Variants in TMPRSS11F observed in about 807,000 individuals in gnomAD.
TMPRSS11F encodes transmembrane serine protease 11F.
Under a neutral mutation model 60.2 loss-of-function variants are expected in TMPRSS11F, and 47 were observed. The ratio of observed to expected loss-of-function variants is 0.78; its 90% CI spans 0.62 to 1.00. The LOEUF (loss-of-function observed/expected upper bound fraction) is 1.00, where lower values mean the gene tolerates loss of function less well. Among genes scored for constraint, TMPRSS11F ranks in the 50% least tolerant of loss-of-function variants. The probability of loss-of-function intolerance (pLI) is 0.00; values close to 1 mark genes in which losing one functional copy is unlikely to be tolerated. For synonymous variants in TMPRSS11F, 166 were observed against 167.3 expected, an observed-to-expected ratio of 0.99 and a Z score of 0.06; for missense variants, 519 against 522.9, an observed-to-expected ratio of 0.99 and a Z score of 0.07.
At chr4:68,113,681 T>C (rs1222596960) in intron 1 of TMPRSS11F, among the ~76,000 whole-genome samples, 3 of 152,164 alleles carry the variant, frequency 2.0e-5, no homozygotes, top group African/African-American at 7.2e-5. Flanking sequence ...CAAATCCACA[T>C]TATAGTTTAA....
rs570080691 is a variant in TMPRSS11F at position 68,128,527 on chromosome 4, T to C, written c.11+1283A>G. 2.2e-4 allele frequency among the ~76,000 whole-genome samples: 32 copies of C among 142,622 alleles called. No individual in the cohort carries two copies. The South Asian group carries it at 7.2e-3, about 32-fold the overall frequency. 93.6% of individuals were successfully genotyped at this position (142,622 alleles called of 152,430 possible). On this transcript the variant is annotated intron_variant, in intron 1 of 9. Transcript: ENST00000356291. ...TCATGTTGTAATGATATTTTCAGGG[T>C]GGAAAAGTGAGTGTTTGGAGATGAT...
intron 7 of TMPRSS11F, among the ~76,000 whole-genome samples, chr4:68,065,869 G>A (rs1322001567): frequency 6.6e-6 from 1 of 152,072 alleles, no homozygotes; most frequent in Non-Finnish European, 1.5e-5. Context: ...TGTAATCCCA[G>A]CACTTTGGGA....
intron 9 of TMPRSS11F, among the ~76,000 whole-genome samples, chr4:68,056,943 T>G (rs1033052724): frequency 6.6e-6 from 1 of 152,196 alleles, no homozygotes; most frequent in African/African-American, 2.4e-5. Flanking sequence ...GAGGAAAAGA[T>G]AGTCTATTCA....
chr4:68,062,707 T>C (rs1381909748), intron 8 of TMPRSS11F: 2 of 746,604 alleles, frequency 2.7e-6, no homozygotes, highest in Non-Finnish European at 2.5e-6. Context: ...ACAGCATGAG[T>C]GTCACATGAG....
intron 1 of TMPRSS11F, among the ~76,000 whole-genome samples, chr4:68,129,089 G>C (rs1445091212): frequency 6.6e-6 from 1 of 152,076 alleles, no homozygotes; most frequent in Non-Finnish European, 1.5e-5. Flanking sequence ...TAAGAAACAA[G>C]GCTAGACTTA....
chr4:68,088,017 A>G (rs992190738), intron 3 of TMPRSS11F, among the ~76,000 whole-genome samples: 65 of 151,552 alleles, frequency 4.3e-4, no homozygotes, highest in African/African-American at 1.4e-3. Context: ...ATGATTTCCA[A>G]TTTCATCCAT....
chr4:68,077,427 T>C (rs1272559586), intron 3 of TMPRSS11F: 1 of 152,162 alleles, frequency 6.6e-6, no homozygotes, highest in Non-Finnish European at 1.5e-5. Flanking sequence ...TTAAGGCAAG[T>C]TGATGCCCTG....
chr4:68,103,158 C>T (rs6812116), intron 1 of TMPRSS11F, among the ~76,000 whole-genome samples: 46,563 of 151,838 alleles, frequency 0.31, 7,268 homozygotes, highest in East Asian at 0.49. Flanking sequence ...TAGTTGACCA[C>T]GGCCAGGCAC....
intron 8 of TMPRSS11F, 72 bp from the exon 9 acceptor site, chr4:68,059,540 A>G: frequency 6.9e-7 from 1 of 1,439,562 alleles, no homozygotes; most frequent in Non-Finnish European, 9.3e-7. Context: ...GACATAGAAG[A>G]CACATAAATT....
At chr4:68,112,456 C>T (rs1724425789) in intron 1 of TMPRSS11F, among the ~76,000 whole-genome samples, 1 of 152,074 alleles carries the variant, frequency 6.6e-6, no homozygotes, top group Non-Finnish European at 1.5e-5. Context: ...TTGTTGTGCT[C>T]TCTCTGCTAA....
chr4:68,063,206 T>C (rs1355885033), intron 8 of TMPRSS11F: 1 of 591,838 alleles, frequency 1.7e-6, no homozygotes, highest in Non-Finnish European at 3.3e-6. Flanking sequence ...CCTCTGGAGA[T>C]ACTTTTCTAA....
At chr4:68,088,625 T>C (rs1049589268) in intron 3 of TMPRSS11F, among the ~76,000 whole-genome samples, 19 of 152,072 alleles carry the variant, frequency 1.2e-4, no homozygotes, top group Admixed American at 1.3e-4. Flanking sequence ...TATTCCAAAA[T>C]TGACCACATA....
At chr4:68,102,294 T>C (rs1475170009) in intron 1 of TMPRSS11F, among the ~76,000 whole-genome samples, 1 of 152,176 alleles carries the variant, frequency 6.6e-6, no homozygotes, top group Non-Finnish European at 1.5e-5. Flanking sequence ...AGTGCAGATA[T>C]CTTTACCAGA....
Position 68,090,607 on chromosome 4 carries a change from T to A in TMPRSS11F, c.198A>T (p.Lys66Asn), listed in dbSNP as rs750277214. Residue 66 changes from lysine (K) to asparagine (N), a missense_variant, in exon 3 of 10, where the codon AAA becomes AAT. Physicochemically the swap from Lys to Asn is moderately conservative, Grantham distance 94 (BLOSUM62 0). Coordinates refer to ENST00000356291, the MANE Select transcript of TMPRSS11F (RefSeq NM_207407.2). ...DKSFYYLASFKVTNIKYKENY... is the reference protein window; with the variant it reads ...DKSFYYLASFNVTNIKYKENY... The stretch of plus-strand genomic sequence containing the variant: ...TTTCTTTATATTTGATATTTGTGAC[T>A]TTAAAAGAGGCAAGGTAATAGAAAG... 5.0e-6 allele frequency: 8 copies of A among 1,601,690 alleles called. No homozygotes were observed.
chr4:68,068,730 C>A lies in TMPRSS11F; in HGVS notation c.643G>T (p.Glu215Ter), dbSNP rs1487306686. 3 of 1,614,246 alleles carry A rather than the reference C, an allele frequency of 1.9e-6. No individual in the cohort carries two copies. Among genetic ancestry groups the A allele is most frequent in the Non-Finnish European group, 2.5e-6 (3 of 1,180,052 alleles). ...RIVQGRETAM[E>*]GEWPWQASLQ... ...CTGGCCTGCCATGGCCATTCCCCTT[C>A]CATAGCTGTTTCCCTTCCTTGGACA... The change falls in exon 7 of 10, where the codon GAA becomes TAA. Residue 215 changes from glutamate to a stop codon, truncating the protein, a stop_gained. Coordinates refer to ENST00000356291, the MANE Select transcript of TMPRSS11F (RefSeq NM_207407.2). LOFTEE classifies it high-confidence loss of function.
At chr4:68,084,810 T>C (rs1166085362) in intron 3 of TMPRSS11F, among the ~76,000 whole-genome samples, 3 of 149,068 alleles carry the variant, frequency 2.0e-5, no homozygotes, top group Admixed American at 2.0e-4. Context: ...TGTATACATG[T>C]GCCATGCTGG....
At chr4:68,070,094 G>T in intron 5 of TMPRSS11F, 87 bp from the exon 6 acceptor site, 1 of 1,099,370 alleles carries the variant, frequency 9.1e-7, no homozygotes, top group Non-Finnish European at 1.4e-6. Context: ...TAATAGAAAT[G>T]TGAATTATCT....
chr4:68,090,141 A>G (rs982948851), intron 3 of TMPRSS11F, among the ~76,000 whole-genome samples: 1 of 152,084 alleles, frequency 6.6e-6, no homozygotes, highest in African/African-American at 2.4e-5. Context: ...CCTTTTATAT[A>G]ATCTTTTTAA....
chr4:68,065,050 C>T (rs539393609), intron 7 of TMPRSS11F, 106 bp from the exon 8 acceptor site: 23 of 1,183,796 alleles, frequency 1.9e-5, no homozygotes, highest in South Asian at 1.4e-4. Context: ...CTGAAACATT[C>T]TTTTGGTGAG....
Sources: allele counts gnomAD v4.1 joint callset (sites outside exome capture counted in the v4.1 genomes callset), GRCh38; gene constraint gnomAD v4.1.1; transcripts MANE v1.5; gene names NCBI Gene and HGNC (gene_info 2026-07-23, HGNC 2026-07-21).